The following TMOD3 variants were observed in gnomAD, a reference collection of about 807,000 sequenced individuals.
The protein encoded by TMOD3 is tropomodulin 3.
A neutral mutation model predicts 39.2 loss-of-function variants in TMOD3; 20 were observed. That is an observed-to-expected ratio of 0.51 (90% CI 0.36 to 0.74). TMOD3 has a LOEUF of 0.74. Among genes scored for constraint, TMOD3 ranks in the 30% least tolerant of loss-of-function variants. TMOD3 has a pLI of 0.00. For missense variants in TMOD3, 381 were observed against 412.8 expected, an observed-to-expected ratio of 0.92 and a Z score of 0.67; for synonymous variants, 143 against 145.8, an observed-to-expected ratio of 0.98 and a Z score of 0.14.
rs1177084641 is a variant in TMOD3 at position 51,915,391 on chromosome 15, G to T, written c.*6581G>T. The stretch of plus-strand genomic sequence containing the variant: ...CAAATGTCTTTTTTTCAGTTTTTTG[G>T]ATGAATTATTATATTTGGTTTTAGT... On this transcript the variant is annotated 3_prime_UTR_variant, in exon 10 of 10. Coordinates refer to ENST00000308580, the MANE Select transcript of TMOD3 (RefSeq NM_014547.5). 3 of 151,556 alleles carry T rather than the reference G, an allele frequency of 2.0e-5. No homozygotes were observed. Among genetic ancestry groups the T allele is most frequent in the Non-Finnish European group, 4.4e-5 (3 of 67,876 alleles). 9.4% of individuals were successfully genotyped at this position (151,556 alleles called of 1,614,324 possible). A position where few individuals can be genotyped will look rare whatever the true frequency, so the allele number is the denominator to read the frequency against.
chr15:51,889,031 A>G (rs777843871), intron 4 of TMOD3, 25 bp from the exon 5 acceptor site: 3 of 1,482,092 alleles, frequency 2.0e-6, no homozygotes, highest in Admixed American at 2.2e-5. Context: ...AAAACAATAA[A>G]AACTTTCTTT....
chr15:51,859,350 A>G (rs2056404702), intron 1 of TMOD3: 2 of 707,048 alleles, frequency 2.8e-6, no homozygotes, highest in Admixed American at 1.8e-5. Flanking sequence ...ATCAGAATCT[A>G]CAGATCCAAA....
In TMOD3 at chr15:51,869,364, G is replaced by A. The variant is rs1566859013; in HGVS notation, c.274G>A (p.Glu92Lys). ...DREDYVPYTG[E>K]KKGKIFIPKQ... is the part of the protein sequence containing the mutation. ...GGAAGACTATGTGCCCTACACTGGA[G>A]AAAAAAAAGGTAAGCCCCAGAATTT... Residue 92 changes from glutamate (E) to lysine (K), a missense_variant, in exon 3 of 10, where the codon GAA becomes AAA. Coordinates refer to ENST00000308580, the MANE Select transcript of TMOD3 (RefSeq NM_014547.5). 12 of 1,602,346 alleles carry A rather than the reference G, an allele frequency of 7.5e-6. No individual in the cohort carries two copies. Among genetic ancestry groups the A allele is most frequent in the Admixed American group, 7.1e-5 (4 of 56,574 alleles).
chr15:51,901,740 G>C, intron 8 of TMOD3, 152 bp from the exon 9 acceptor site: 1 of 752,188 alleles, frequency 1.3e-6, no homozygotes, highest in Non-Finnish European at 2.1e-6. Flanking sequence ...TTACAAATCA[G>C]TACTTGGAAC....
At chr15:51,896,385 A>T in intron 6 of TMOD3, 34 bp from the exon 7 acceptor site, 1 of 1,418,224 alleles carries the variant, frequency 7.1e-7, no homozygotes. Flanking sequence ...TGAAAATTGA[A>T]ATGTAATGAT....
intron 3 of TMOD3, among the ~76,000 whole-genome samples, chr15:51,886,395 G>C (rs963736993): frequency 6.6e-6 from 1 of 152,224 alleles, no homozygotes; most frequent in African/African-American, 2.4e-5. Context: ...CTGAGTGAGC[G>C]AGACTCCGTC....
intron 9 of TMOD3, among the ~76,000 whole-genome samples, chr15:51,906,565 T>C (rs927630658): frequency 1.3e-5 from 2 of 152,348 alleles, no homozygotes; most frequent in African/African-American, 4.8e-5. Context: ...TTACTATCTT[T>C]ACACTAGTTA....
At chr15:51,854,724 C>T (rs908595671) in intron 1 of TMOD3, among the ~76,000 whole-genome samples, 4 of 152,204 alleles carry the variant, frequency 2.6e-5, no homozygotes, top group African/African-American at 4.8e-5. Context: ...CAAAGCAGTT[C>T]TCCCAGGTGC....
rs1454756465 is a variant in TMOD3 at position 51,891,080 on chromosome 15, T to C, written c.496+1935T>C. On this transcript the variant is annotated intron_variant, in intron 5 of 9. Coordinates refer to ENST00000308580, the MANE Select transcript of TMOD3 (RefSeq NM_014547.5). ...CATCATCAAACTTAAAAATTAACGGTATTTTCTTCATATCATGTAATACCC... is the reference window on the plus strand; with the variant it reads ...CATCATCAAACTTAAAAATTAACGGCATTTTCTTCATATCATGTAATACCC... 1.3e-4 allele frequency among the ~76,000 whole-genome samples: 20 copies of C among 152,180 alleles called. 1 individual carries two copies. The highest frequency in any genetic ancestry group is 1.3e-3 in the Admixed American group (20 of 15,274).
intron 9 of TMOD3, among the ~76,000 whole-genome samples, chr15:51,907,461 C>T (rs1452885905): frequency 6.6e-6 from 1 of 152,164 alleles, no homozygotes; most frequent in Non-Finnish European, 1.5e-5. Flanking sequence ...ATTTTATATA[C>T]GTCATCTGAA....
At chr15:51,891,723 T>TTACTTGGG (rs1555387959) in intron 5 of TMOD3, among the ~76,000 whole-genome samples, 1 of 152,160 alleles carries the variant, frequency 6.6e-6, no homozygotes. Flanking sequence ...AAATTAGAAC[T>TTACTTGGG]ATTCAATTTT....
chr15:51,887,431 G>C lies in TMOD3; in HGVS notation c.284-158G>C, dbSNP rs112515250. The C allele has an allele frequency of 2.2e-3, 1,682 of 759,534 alleles. 30 individuals are homozygous for C. The African/African-American group carries it at 0.028, about 12-fold the overall frequency. 47.0% of individuals were successfully genotyped at this position (759,534 alleles called of 1,614,324 possible). On this transcript the variant is annotated intron_variant, in intron 3 of 9. Transcript: ENST00000308580. Reference sequence around the variant, plus strand: ...CCAACTTTTACAGCCAAAATATTACGCTGGAAACTTAAAAATCTATGTCAG... The same window carrying C: ...CCAACTTTTACAGCCAAAATATTACCCTGGAAACTTAAAAATCTATGTCAG...
chr15:51,832,475 C>T (rs937713539), intron 1 of TMOD3, among the ~76,000 whole-genome samples: 2 of 151,822 alleles, frequency 1.3e-5, no homozygotes, highest in African/African-American at 4.8e-5. Flanking sequence ...GACATATCTA[C>T]ATAGAGTATA....
chr15:51,848,547 C>T (rs934650598), intron 1 of TMOD3, among the ~76,000 whole-genome samples: 1 of 152,264 alleles, frequency 6.6e-6, no homozygotes, highest in African/African-American at 2.4e-5. Context: ...AATTTTGAAC[C>T]ATGCCAAACA....
chr15:51,902,892 C>T (rs1285436142), intron 9 of TMOD3, among the ~76,000 whole-genome samples: 4 of 152,038 alleles, frequency 2.6e-5, no homozygotes, highest in Admixed American at 2.0e-4. Flanking sequence ...ACCTGATGAT[C>T]CACCCGCCTC....
intron 1 of TMOD3, among the ~76,000 whole-genome samples, chr15:51,839,165 C>CTT (rs60102349): frequency 6.4e-5 from 7 of 108,966 alleles, no homozygotes; most frequent in Admixed American, 1.1e-4. Context: ...GTGTATCTCT[C>CTT]TTTTTTTTTT....
intron 3 of TMOD3, among the ~76,000 whole-genome samples, chr15:51,870,350 A>AC (rs1305161265): frequency 3.3e-5 from 5 of 152,260 alleles, no homozygotes; most frequent in African/African-American, 9.6e-5. Flanking sequence ...GCCAAATTCT[A>AC]CGTTCACTCT....
intron 5 of TMOD3, among the ~76,000 whole-genome samples, chr15:51,893,538 G>A (rs1021904147): frequency 2.0e-5 from 3 of 151,840 alleles, no homozygotes; most frequent in Non-Finnish European, 2.9e-5. Flanking sequence ...AGGCTGAGGC[G>A]GGTTGATACG....
chr15:51,884,248 C>G (rs1421403388), intron 3 of TMOD3, among the ~76,000 whole-genome samples: 1 of 152,172 alleles, frequency 6.6e-6, no homozygotes, highest in African/African-American at 2.4e-5. Context: ...ATTGTTTATT[C>G]AGCAAATTGG....
Sources: gnomAD v4.1 joint callset for allele counts (sites outside exome capture counted in the v4.1 genomes callset) on GRCh38, gnomAD v4.1.1 for gene constraint, MANE v1.5 for transcripts, NCBI Gene and HGNC (gene_info 2026-07-23, HGNC 2026-07-21) for gene names.